The following ANKS4B variants were observed in gnomAD, a reference collection of about 807,000 sequenced individuals.
ANKS4B encodes ankyrin repeat and SAM domain-containing protein 4B.
Under a neutral mutation model 20.2 loss-of-function variants are expected in ANKS4B, and 21 were observed. The observed-to-expected ratio is 1.04, with a 90% confidence interval of 0.74 to 1.50. The LOEUF is 1.50. ANKS4B is among the 40% of genes most tolerant of loss of function. ANKS4B has a pLI of 0.00. For missense variants in ANKS4B, 473 were observed against 494.6 expected, an observed-to-expected ratio of 0.96 and a Z score of 0.41; for synonymous variants, 179 against 194.5, an observed-to-expected ratio of 0.92 and a Z score of 0.66.
chr16:21,245,479 T>G (rs181833500), intron 1 of ANKS4B, among the ~76,000 whole-genome samples: 1 of 152,040 alleles, frequency 6.6e-6, no homozygotes, highest in Admixed American at 6.6e-5. Flanking sequence ...ATTGATTTTT[T>G]TTTTATTTTT....
rs933855618 is a variant in ANKS4B, at chr16:21,248,120, C to T, written c.165-1611C>T. 3.9e-5 allele frequency among the ~76,000 whole-genome samples: 6 copies of T among 152,182 alleles called. No individual in the cohort carries two copies. In the South Asian group the frequency reaches 1.2e-3, roughly 32 times the overall value. On this transcript the variant is annotated intron_variant, in intron 1 of 1. Coordinates refer to ENST00000311620, the MANE Select transcript of ANKS4B (RefSeq NM_145865.3). ...CAGTAGCATGCTGGAACCAGCTTGT[C>T]AGAGTTATTTCCAAATTTTAGAAAG...
At chr16:21,234,673 C>A (rs2093318120) in intron 1 of ANKS4B, among the ~76,000 whole-genome samples, 1 of 152,058 alleles carries the variant, frequency 6.6e-6, no homozygotes, top group Non-Finnish European at 1.5e-5. Context: ...CCAAGTGAAT[C>A]CAATTGAATA....
At chr16:21,246,702 TG>T (rs2093332799) in intron 1 of ANKS4B, among the ~76,000 whole-genome samples, 2 of 152,184 alleles carry the variant, frequency 1.3e-5, no homozygotes, top group African/African-American at 2.4e-5. Context: ...ATGATTTGAC[TG>T]GGAGACCAGC....
rs576155323 is a variant in ANKS4B, at chr16:21,252,048, C to T, written c.*1228C>T. The T allele has an allele frequency of 6.6e-6, 1 of 151,888 alleles. No individual in the cohort carries two copies. Among genetic ancestry groups the T allele is most frequent in the East Asian group, 2.0e-4 (1 of 5,120 alleles). The allele number at this position is 151,888 out of a possible 1,614,324, so 9.4% of individuals were successfully genotyped here. A position where few individuals can be genotyped will look rare whatever the true frequency, so the allele number is the denominator to read the frequency against. ...CCAGGTTCGAGCACTTTTCATGCCT[C>T]AGCCTCCTGAGTAGCTGGGATTACA... On this transcript the variant is annotated 3_prime_UTR_variant, in exon 2 of 2. Coordinates refer to ENST00000311620, the MANE Select transcript of ANKS4B (RefSeq NM_145865.3).
chr16:21,248,669 G>A (rs2093335219), intron 1 of ANKS4B, among the ~76,000 whole-genome samples: 2 of 152,070 alleles, frequency 1.3e-5, no homozygotes, highest in Non-Finnish European at 2.9e-5. Flanking sequence ...GGTGGAGGTT[G>A]CAGTCAAGCC....
chr16:21,238,201 C>T (rs994649833), intron 1 of ANKS4B, among the ~76,000 whole-genome samples: 19 of 152,150 alleles, frequency 1.2e-4, no homozygotes, highest in South Asian at 4.2e-4. Flanking sequence ...CAAAATGATA[C>T]ACCAGTGTGG....
At chr16:21,249,556 G>A (rs2093336146) in intron 1 of ANKS4B, among the ~76,000 whole-genome samples, 175 bp from the exon 2 acceptor site, 1 of 152,198 alleles carries the variant, frequency 6.6e-6, no homozygotes. Flanking sequence ...GTTTTAAGAT[G>A]GGATGGTTCT....
intron 1 of ANKS4B, among the ~76,000 whole-genome samples, chr16:21,248,348 G>T (rs1164041162): frequency 6.7e-6 from 1 of 150,044 alleles, no homozygotes; most frequent in Non-Finnish European, 1.5e-5. Flanking sequence ...TTTAAGGCAG[G>T]GTCTTGCTGT....
rs2093337238 is a variant in ANKS4B, at chr16:21,250,165, G to A, written c.599G>A (p.Gly200Asp). 2 of 1,614,024 alleles carry A rather than the reference G, an allele frequency of 1.2e-6. No homozygotes were observed. Among genetic ancestry groups the A allele is most frequent in the Non-Finnish European group, 1.7e-6 (2 of 1,180,038 alleles). ...APGTFGSLSKGIKDTFKIKFK... is the reference protein window; with the variant it reads ...APGTFGSLSKDIKDTFKIKFK... Reference sequence around the variant, plus strand: ...GGCACATTCGGGTCACTATCTAAGGGCATTAAAGACACTTTCAAGATCAAG... The same window carrying A: ...GGCACATTCGGGTCACTATCTAAGGACATTAAAGACACTTTCAAGATCAAG... Residue 200 changes from glycine (G) to aspartate (D), a missense_variant, in exon 2 of 2, where the codon GGC becomes GAC. Gly to Asp is a moderately conservative substitution (Grantham distance 94). Transcript: ENST00000311620.
At position 21,249,819 on chromosome 16, in the gene ANKS4B, G is replaced by T; in HGVS notation, c.253G>T (p.Val85Phe). ...NGHAHCVSFL[V>F]NFGANIFALD... is the part of the protein sequence containing the mutation. ...CCATGCCCACTGCGTCTCATTCCTG[G>T]TCAACTTTGGTGCCAACATCTTTGC... The change falls in exon 2 of 2, where the codon GTC becomes TTC. Residue 85 changes from valine (V) to phenylalanine (F), a missense_variant. By Grantham distance (50) the Val-to-Phe change is conservative. Coordinates refer to ENST00000311620, the MANE Select transcript of ANKS4B (RefSeq NM_145865.3). 1 of 1,614,054 alleles carries T rather than the reference G, an allele frequency of 6.2e-7. No individual in the cohort carries two copies. Among genetic ancestry groups the T allele is most frequent in the East Asian group, 2.2e-5 (1 of 44,882 alleles).
chr16:21,248,271 C>T (rs1326354190), intron 1 of ANKS4B, among the ~76,000 whole-genome samples: 3 of 150,916 alleles, frequency 2.0e-5, no homozygotes, highest in Non-Finnish European at 4.4e-5. Context: ...GCAAATCTCC[C>T]ACCTCAGCCT....
At chr16:21,236,394 CT>C (rs1215568987) in intron 1 of ANKS4B, among the ~76,000 whole-genome samples, 1 of 152,188 alleles carries the variant, frequency 6.6e-6, no homozygotes, top group East Asian at 1.9e-4. Context: ...CAGATCCAAA[CT>C]GTATCAACCA....
intron 1 of ANKS4B, among the ~76,000 whole-genome samples, chr16:21,241,444 C>T (rs56188349): frequency 0.18 from 26,715 of 151,940 alleles, 2,795 homozygotes; most frequent in South Asian, 0.32. Flanking sequence ...GATGGACTCT[C>T]GCTCTGTCAT....
In ANKS4B at chr16:21,242,007, G is replaced by A. The variant is rs1038689737; in HGVS notation, c.165-7724G>A. On this transcript the variant is annotated intron_variant, in intron 1 of 1. Transcript: ENST00000311620. Reference sequence around the variant, plus strand: ...GAGGCCAGGAGTTCGAGACTAGCCTGGGCAACATAGCAAGACCCCATCTCT... The same window carrying A: ...GAGGCCAGGAGTTCGAGACTAGCCTAGGCAACATAGCAAGACCCCATCTCT... Among the ~76,000 whole-genome samples, 16 of 151,922 alleles carry A rather than the reference G, an allele frequency of 1.1e-4. 1 individual carries two copies. Among genetic ancestry groups the A allele is most frequent in the African/African-American group, 3.9e-4 (16 of 41,358 alleles).
Position 21,252,134 on chromosome 16 carries a change from T to C in ANKS4B, c.*1314T>C, listed in dbSNP as rs1246842193. 6.6e-6 allele frequency: 1 copy of C among 152,256 alleles called. No homozygotes were observed. The highest frequency in any genetic ancestry group is 1.5e-5 in the Non-Finnish European group (1 of 68,160). 9.4% of individuals were successfully genotyped at this position (152,256 alleles called of 1,614,324 possible). A position where few individuals can be genotyped will look rare whatever the true frequency, so the allele number is the denominator to read the frequency against. ...TTTTAGTAGAGGCGGGGTTTCACCATGTTGGCCAGGCTGGTCTCAAACTCC... is the reference window on the plus strand; with the variant it reads ...TTTTAGTAGAGGCGGGGTTTCACCACGTTGGCCAGGCTGGTCTCAAACTCC... On this transcript the variant is annotated 3_prime_UTR_variant, in exon 2 of 2. Transcript: ENST00000311620.
intron 1 of ANKS4B, among the ~76,000 whole-genome samples, chr16:21,243,658 G>C (rs780498610): frequency 2.0e-5 from 3 of 152,002 alleles, no homozygotes; most frequent in African/African-American, 7.3e-5. Context: ...TGCAAGCTCC[G>C]CCTCCTGGGT....
At chr16:21,241,077 A>T (rs889150316) in intron 1 of ANKS4B, among the ~76,000 whole-genome samples, 4 of 152,198 alleles carry the variant, frequency 2.6e-5, no homozygotes, top group Non-Finnish European at 5.9e-5. Context: ...TACAGGTGTG[A>T]GTCACTGCAC....
At chr16:21,240,774 T>A (rs1271097172) in intron 1 of ANKS4B, among the ~76,000 whole-genome samples, 1 of 152,094 alleles carries the variant, frequency 6.6e-6, no homozygotes, top group Non-Finnish European at 1.5e-5. Flanking sequence ...TATTTTATTT[T>A]TTTTTTAATA....
In ANKS4B at chr16:21,246,842, G is replaced by T. The variant is rs1483032805; in HGVS notation, c.165-2889G>T. The stretch of plus-strand genomic sequence containing the variant: ...GGAGATTGTGATGGTTGAAGGCAAA[G>T]AATGTGAAAGTGCTTCTTTGTAACT... On this transcript the variant is annotated intron_variant, in intron 1 of 1. Transcript: ENST00000311620. Among the ~76,000 whole-genome samples, 4 of 152,222 alleles carry T rather than the reference G, an allele frequency of 2.6e-5. No homozygotes were observed. The East Asian group carries it at 7.7e-4, about 29-fold the overall frequency.
Sources: allele counts gnomAD v4.1 joint callset (sites outside exome capture counted in the v4.1 genomes callset), GRCh38; gene constraint gnomAD v4.1.1; transcripts MANE v1.5; gene names NCBI Gene and HGNC (gene_info 2026-07-23, HGNC 2026-07-21).